The following NTRK3 variants were observed in gnomAD, a reference collection of about 807,000 sequenced individuals.
NTRK3 encodes the protein NT-3 growth factor receptor.
In NTRK3, 24 loss-of-function variants were observed where a neutral mutation model predicts 91.7. The observed-to-expected ratio is 0.26, with a 90% CI of 0.19 to 0.37. NTRK3 has a LOEUF of 0.37. Among genes scored for constraint, NTRK3 ranks in the 10% least tolerant of loss-of-function variants. The probability of loss-of-function intolerance (pLI) is 1.00; values close to 1 mark genes in which losing one functional copy is unlikely to be tolerated. For missense variants in NTRK3, 880 were observed against 1,068.9 expected (o/e 0.82, Z 2.46); for synonymous variants, 483 against 404.0 (o/e 1.20, Z -2.34).
intron 14 of NTRK3, among the ~76,000 whole-genome samples, chr15:87,944,828 G>A (rs765163597): frequency 4.6e-5 from 7 of 152,234 alleles, no homozygotes; most frequent in Non-Finnish European, 1.0e-4. Flanking sequence ...AAGAGCCTCT[G>A]CTCAGGCCCT....
At chr15:88,015,660 A>G (rs2077184306) in intron 14 of NTRK3, among the ~76,000 whole-genome samples, 1 of 152,156 alleles carries the variant, frequency 6.6e-6, no homozygotes, top group African/African-American at 2.4e-5. Context: ...CTGTCTCCCC[A>G]GCTGGAGTGT....
intron 13 of NTRK3, among the ~76,000 whole-genome samples, chr15:88,035,142 A>G (rs2078957032): frequency 6.6e-6 from 1 of 152,216 alleles, no homozygotes; most frequent in South Asian, 2.1e-4. Context: ...AGGAAAGAGG[A>G]AAGAGTTGAA....
chr15:88,223,346 T>C (rs1261706952), intron 3 of NTRK3, among the ~76,000 whole-genome samples: 2 of 152,224 alleles, frequency 1.3e-5, no homozygotes, highest in Non-Finnish European at 2.9e-5. Flanking sequence ...CTGTGCCCCC[T>C]GCTGCCTCAT....
chr15:88,188,078 C>T (rs2047089190), intron 3 of NTRK3, among the ~76,000 whole-genome samples: 1 of 152,184 alleles, frequency 6.6e-6, no homozygotes, highest in South Asian at 2.1e-4. Flanking sequence ...CTTACAAACC[C>T]ACTCCCGCTG....
Position 88,155,135 on chromosome 15 carries a change from A to G in NTRK3, c.396-7732T>C, listed in dbSNP as rs117087737. On this transcript the variant is annotated intron_variant, in intron 5 of 18. Transcript: ENST00000394480. Reference sequence around the variant, plus strand: ...CTGTGAATAGGTTAACTTACACCGCAGAGGTGATTAAGCATATAGACCTTG... The same window carrying G: ...CTGTGAATAGGTTAACTTACACCGCGGAGGTGATTAAGCATATAGACCTTG... Among the ~76,000 whole-genome samples, 1,215 of 152,364 alleles carry G rather than the reference A, an allele frequency of 8.0e-3. 9 individuals carry two copies. The highest frequency in any genetic ancestry group is 0.013 in the Non-Finnish European group (875 of 68,036).
In NTRK3 at chr15:88,085,626, G is replaced by C. The variant is rs936896820; in HGVS notation, c.1396+40645C>G. ...AAATGCTTGTCAGAAAAGACTGAGT[G>C]GGGGGTGGTTTGTTACCCAGCAGTA... On this transcript the variant is annotated intron_variant, in intron 13 of 18. Coordinates refer to ENST00000394480, the Ensembl canonical transcript of NTRK3. 6.6e-5 allele frequency among the ~76,000 whole-genome samples: 10 copies of C among 151,494 alleles called. No homozygotes were observed. The East Asian group carries it at 1.2e-3, about 18-fold the overall frequency.
intron 3 of NTRK3, among the ~76,000 whole-genome samples, chr15:88,208,382 A>C (rs1290588511): frequency 6.6e-6 from 1 of 152,168 alleles, no homozygotes; most frequent in South Asian, 2.1e-4. Context: ...TAGAGTGGAC[A>C]CAAAGGAAAT....
chr15:87,867,554 C>T (rs1030475056), exon 19 of NTRK3: 9 of 229,758 alleles, frequency 3.9e-5, no homozygotes, highest in Non-Finnish European at 6.9e-5. Flanking sequence ...TGGCTTGCCC[C>T]ATCTCTGGAA....
chr15:87,921,929 A>G (rs2067909641), intron 17 of NTRK3, among the ~76,000 whole-genome samples: 1 of 152,098 alleles, frequency 6.6e-6, no homozygotes, highest in African/African-American at 2.4e-5. Flanking sequence ...CACCATCAGT[A>G]AGAATTCTAT....
At chr15:88,025,052 C>A (rs537418109) in intron 14 of NTRK3, among the ~76,000 whole-genome samples, 9 of 152,188 alleles carry the variant, frequency 5.9e-5, no homozygotes, top group South Asian at 2.1e-4. Flanking sequence ...TGTGGCCACA[C>A]ACACACACAC....
At chr15:88,000,630 A>G (rs1158119298) in intron 14 of NTRK3, among the ~76,000 whole-genome samples, 2 of 152,114 alleles carry the variant, frequency 1.3e-5, no homozygotes, top group Admixed American at 6.5e-5. Context: ...CTTTGAATCT[A>G]GCTTCTTTCA....
intron 17 of NTRK3, among the ~76,000 whole-genome samples, chr15:87,896,788 G>A (rs2066150450): frequency 6.6e-6 from 1 of 152,186 alleles, no homozygotes; most frequent in Non-Finnish European, 1.5e-5. Context: ...AAGAGGTTAT[G>A]ACTTTTCTAC....
chr15:88,027,700 G>A (rs566372221), intron 14 of NTRK3, among the ~76,000 whole-genome samples: 3 of 152,132 alleles, frequency 2.0e-5, no homozygotes, highest in African/African-American at 7.2e-5. Context: ...AGTTTCTAGA[G>A]AGCCTGGGCG....
At chr15:88,242,454 A>T (rs1310714658) in intron 3 of NTRK3, among the ~76,000 whole-genome samples, 1 of 151,986 alleles carries the variant, frequency 6.6e-6, no homozygotes, top group East Asian at 1.9e-4. Context: ...ATATATATAA[A>T]TTTTTCTTTA....
At chr15:88,157,315 C>A (rs1229847264) in intron 5 of NTRK3, among the ~76,000 whole-genome samples, 1 of 152,060 alleles carries the variant, frequency 6.6e-6, no homozygotes, top group East Asian at 1.9e-4. Flanking sequence ...CCGTCTGGCT[C>A]CACCAAGAAA....
intron 14 of NTRK3, among the ~76,000 whole-genome samples, chr15:87,995,418 A>G (rs2075614924): frequency 6.6e-6 from 1 of 152,202 alleles, no homozygotes; most frequent in Admixed American, 6.5e-5. Context: ...GGCCTAAAGG[A>G]GACATAAGAT....
chr15:87,908,931 G>C (rs2066928011), intron 17 of NTRK3, among the ~76,000 whole-genome samples: 1 of 152,040 alleles, frequency 6.6e-6, no homozygotes, highest in Non-Finnish European at 1.5e-5. Context: ...ACTCCCAGCA[G>C]GAGCCTCCCA....
exon 17 of NTRK3, chr15:87,929,287 G>A (rs761256456): frequency 1.2e-6 from 2 of 1,614,112 alleles, no homozygotes; most frequent in East Asian, 2.2e-5. Flanking sequence ...TGGTGGCCAG[G>A]TCTCGGTGCA....
chr15:87,882,782 T>C (rs1337728680), intron 17 of NTRK3, among the ~76,000 whole-genome samples: 1 of 152,108 alleles, frequency 6.6e-6, no homozygotes, highest in Non-Finnish European at 1.5e-5. Context: ...ATAGTACATA[T>C]AGCTTTCAAA....
Sources: allele counts gnomAD v4.1 joint callset (sites outside exome capture counted in the v4.1 genomes callset), GRCh38; gene constraint gnomAD v4.1.1; transcripts MANE v1.5; gene names NCBI Gene and HGNC (gene_info 2026-07-23, HGNC 2026-07-21).